The following ANKRD26 variants were observed in gnomAD, a reference collection of about 807,000 sequenced individuals.
ANKRD26 encodes the protein ankyrin repeat domain 26.
Under a neutral mutation model 208.7 loss-of-function variants are expected in ANKRD26, and 141 were observed. The observed-to-expected ratio is 0.68, with a 90% CI of 0.59 to 0.78. The LOEUF (loss-of-function observed/expected upper bound fraction) is 0.78, where lower values mean the gene tolerates loss of function less well. Among genes scored for constraint, ANKRD26 ranks in the 30% least tolerant of loss-of-function variants. The pLI, the probability that ANKRD26 is intolerant of heterozygous loss-of-function variation, is 0.00. For missense variants in ANKRD26, 1,889 were observed against 1,938.7 expected (o/e 0.97, Z 0.48); for synonymous variants, 636 against 660.4 (o/e 0.96, Z 0.57).
chr10:27,095,561 G>C (rs1051650255), intron 1 of ANKRD26, among the ~76,000 whole-genome samples: 3 of 152,098 alleles, frequency 2.0e-5, no homozygotes, highest in Non-Finnish European at 4.4e-5. Context: ...CCAGCTACTC[G>C]AGGGGGCTGA....
chr10:27,086,469 A>G (rs1188048532), intron 5 of ANKRD26, 70 bp downstream of exon 5: 1 of 1,576,264 alleles, frequency 6.3e-7, no homozygotes, highest in African/African-American at 1.3e-5. Context: ...TCTGTGATCA[A>G]CACTTCCTTA....
rs770274264 is a variant in ANKRD26 at position 27,035,343 on chromosome 10, C to T, written c.3107G>A (p.Arg1036Lys). The T allele has an allele frequency of 9.9e-6, 16 of 1,613,932 alleles. No individual in the cohort carries two copies. The highest frequency in any genetic ancestry group is 1.2e-5 in the Non-Finnish European group (14 of 1,179,930). Residue 1036 changes from arginine (R) to lysine (K), a missense_variant, in exon 24 of 34, where the codon AGA becomes AAA. By Grantham distance (26) the Arg-to-Lys change is conservative (BLOSUM62 2). This residue lies in a region of ANKRD26 where 1,272 missense variants were observed against 1,273.8 expected (regional missense o/e 1.00). Transcript: ENST00000376087. ...SKRELELAFQ[R>K]ARDECSRLQD... ...TAAACGAGAACATTCATCTCTTGCT[C>T]TCTGGAAAGCAAGTTCTAGTTCTCT...
intron 29 of ANKRD26, among the ~76,000 whole-genome samples, chr10:27,019,108 A>G (rs10829160): frequency 0.2 from 30,324 of 151,768 alleles, 3,619 homozygotes; most frequent in East Asian, 0.56. Context: ...GTGAAACCCC[A>G]TCTCTACTAA....
At chr10:26,967,919 A>G in the ANKRD26 span, among the ~76,000 whole-genome samples, 2 of 152,154 alleles carry the variant, frequency 1.3e-5, no homozygotes, top group Non-Finnish European at 2.9e-5. Flanking sequence ...TTACTAAATT[A>G]GTCTCCAACT....
At position 27,079,102 on chromosome 10, in the gene ANKRD26, T is replaced by C. The variant is rs780890909; in HGVS notation, c.800A>G (p.Asn267Ser). The C allele has an allele frequency of 3.9e-5, 63 of 1,613,300 alleles. No individual in the cohort carries two copies. Among genetic ancestry groups the C allele is most frequent in the Non-Finnish European group, 5.2e-5 (61 of 1,179,452 alleles). ...SWPTSDDEDL[N>S]FDTKNVPKPS... ...AGAGCACTTTACCTTAGTATCAAAA[T>C]TGAGGTCTTCGTCATCTGAGGTAGG... Residue 267 changes from asparagine (N) to serine (S), a missense_variant, in exon 7 of 34, where the codon AAT (asparagine) becomes AGT (serine). Transcript: ENST00000376087.
downstream of ANKRD26, among the ~76,000 whole-genome samples, chr10:27,001,660 C>A (rs2052728350): frequency 6.6e-6 from 1 of 152,314 alleles, no homozygotes; most frequent in African/African-American, 2.4e-5. Context: ...TCTGCCTGGC[C>A]AGTGCCATGT....
At chr10:26,968,644 A>G in the ANKRD26 span, among the ~76,000 whole-genome samples, 1 of 152,246 alleles carries the variant, frequency 6.6e-6, no homozygotes, top group Non-Finnish European at 1.5e-5. Flanking sequence ...GAAAATATGA[A>G]GAAAGAAAGA....
intron 23 of ANKRD26, among the ~76,000 whole-genome samples, chr10:27,036,031 G>A (rs2135197902): frequency 6.6e-6 from 1 of 152,088 alleles, no homozygotes; most frequent in South Asian, 2.1e-4. Context: ...TTTTACTGAA[G>A]TACAACAAAT....
intron 5 of ANKRD26, among the ~76,000 whole-genome samples, chr10:26,994,414 G>C (rs180921793): frequency 6.6e-6 from 1 of 152,244 alleles, no homozygotes; most frequent in African/African-American, 2.4e-5. Flanking sequence ...TATTCCATAA[G>C]GGGCATCTGA....
chr10:27,054,182 G>A (rs143836355), intron 15 of ANKRD26, among the ~76,000 whole-genome samples: 113 of 152,252 alleles, frequency 7.4e-4, no homozygotes, highest in African/African-American at 2.6e-3. Flanking sequence ...CTTGCTCCCA[G>A]ACGGTAGGGG....
intron 5 of ANKRD26, among the ~76,000 whole-genome samples, chr10:27,085,856 C>T (rs2056096920): frequency 6.6e-6 from 1 of 152,134 alleles, no homozygotes; most frequent in Non-Finnish European, 1.5e-5. Context: ...ATGAAGACCT[C>T]TATGATAATC....
At chr10:26,966,807 G>A in the ANKRD26 span, among the ~76,000 whole-genome samples, 1 of 152,134 alleles carries the variant, frequency 6.6e-6, no homozygotes, top group African/African-American at 2.4e-5. Flanking sequence ...GCTCATTGCA[G>A]ATCCAGTGGC....
At chr10:26,993,316 G>T (rs2052522932) in intron 5 of ANKRD26, among the ~76,000 whole-genome samples, 1 of 152,100 alleles carries the variant, frequency 6.6e-6, no homozygotes, top group South Asian at 2.1e-4. Context: ...TTAATATCTG[G>T]TCACTGTACC....
chr10:27,100,288 C>T lies in ANKRD26; in HGVS notation c.39G>A (p.Leu13=). Residue 13 remains leucine (L), a synonymous_variant, in exon 1 of 34, where the codon TTG becomes TTA. Transcript: ENST00000376087. ...KIFSKKGESP[L]GSFARRQRSS... is the part of the protein sequence containing the mutation. ...TCCTCTGCCGCCGCGCGAAGGAGCC[C>T]AAGGGCGACTCGCCCTTCTTACTAA... 6.2e-7 allele frequency: 1 copy of T among 1,610,230 alleles called. No individual in the cohort carries two copies. Among genetic ancestry groups the T allele is most frequent in the Non-Finnish European group, 8.5e-7 (1 of 1,179,550 alleles).
chr10:26,974,341 ATT>A (rs5783993), exon 6 of ANKRD26, among the ~76,000 whole-genome samples: 55,211 of 129,350 alleles, frequency 0.43, 11,070 homozygotes, highest in African/African-American at 0.57. Context: ...TTACTTCTGC[ATT>A]TTTTTTTTTT....
chr10:27,079,311 G>C (rs1238181120), intron 6 of ANKRD26, 150 bp from the exon 7 acceptor site: 1 of 683,914 alleles, frequency 1.5e-6, no homozygotes, highest in Non-Finnish European at 2.5e-6. Flanking sequence ...GATGTTTCTT[G>C]ATCTAATTAA....
the ANKRD26 span, among the ~76,000 whole-genome samples, chr10:26,959,603 C>T: frequency 6.6e-6 from 1 of 150,684 alleles, no homozygotes; most frequent in African/African-American, 2.4e-5. Context: ...GGAAAGCTTC[C>T]GTTTTATGGA....
At chr10:27,000,569 A>C (rs1229498538), downstream of ANKRD26, among the ~76,000 whole-genome samples, 2 of 152,264 alleles carry the variant, frequency 1.3e-5, no homozygotes, top group Non-Finnish European at 2.9e-5. Flanking sequence ...GCTGAATCCA[A>C]GTTTAATACA....
intron 25 of ANKRD26, among the ~76,000 whole-genome samples, chr10:27,032,307 T>A (rs1486814838): frequency 1.3e-5 from 2 of 152,148 alleles, no homozygotes; most frequent in Non-Finnish European, 2.9e-5. Context: ...GAGACCAGCC[T>A]GGCCAACAGG....
Sources: gnomAD v4.1 joint callset for allele counts (sites outside exome capture counted in the v4.1 genomes callset) on GRCh38, gnomAD v4.1.1 for gene constraint, gnomAD v4.1.1 regional missense constraint, MANE v1.5 for transcripts, NCBI Gene and HGNC (gene_info 2026-07-23, HGNC 2026-07-21) for gene names.